PDE4D: variants seen among roughly 807,000 people sequenced by gnomAD.
PDE4D encodes 3',5'-cyclic-AMP phosphodiesterase 4D.
In PDE4D, 24 loss-of-function variants were observed where a neutral mutation model predicts 87.4. That is an observed-to-expected ratio of 0.27 (90% confidence interval 0.20 to 0.39). The LOEUF (loss-of-function observed/expected upper bound fraction) is 0.39. Among genes scored for constraint, PDE4D ranks in the 10% least tolerant of loss-of-function variants. PDE4D has a pLI of 1.00. For missense variants in PDE4D, 714 were observed against 1,041.0 expected (o/e 0.69, Z 4.32); for synonymous variants, 384 against 383.2 (o/e 1.00, Z -0.02).
At chr5:59,202,332 G>A (rs942373639) in intron 2 of PDE4D, among the ~76,000 whole-genome samples, 1 of 151,870 alleles carries the variant, frequency 6.6e-6, no homozygotes, top group Admixed American at 6.6e-5. Context: ...GATCCACAGC[G>A]CCTCGCCCGT....
intron 6 of PDE4D, among the ~76,000 whole-genome samples, chr5:59,005,759 C>T (rs892963719): frequency 2.6e-5 from 4 of 152,176 alleles, no homozygotes; most frequent in African/African-American, 9.7e-5. Flanking sequence ...AAAAGATGGA[C>T]CTTCTTACAT....
chr5:59,918,164 T>C (rs1024051572), intron 3 of PDE4D, among the ~76,000 whole-genome samples: 1 of 152,130 alleles, frequency 6.6e-6, no homozygotes, highest in East Asian at 1.9e-4. Flanking sequence ...GTTTGAAAGA[T>C]AAATAACATT....
chr5:59,190,084 A>G (rs186098276), intron 3 of PDE4D, among the ~76,000 whole-genome samples: 3 of 152,318 alleles, frequency 2.0e-5, no homozygotes, highest in African/African-American at 7.2e-5. Flanking sequence ...CGTCAAAGGA[A>G]ACCATGATTT....
At chr5:60,226,861 T>C (rs989990223) in intron 1 of PDE4D, among the ~76,000 whole-genome samples, 1 of 150,836 alleles carries the variant, frequency 6.6e-6, no homozygotes, top group Non-Finnish European at 1.5e-5. Context: ...ACACACCACC[T>C]GGATATTAAT....
chr5:60,333,433 C>G (rs1448821626), intron 1 of PDE4D, among the ~76,000 whole-genome samples: 1 of 152,098 alleles, frequency 6.6e-6, no homozygotes, highest in Admixed American at 6.5e-5. Flanking sequence ...AAAACTGACA[C>G]AGTGGGTCTG....
chr5:58,969,051 A>T lies in PDE4D; in HGVS notation c.*5613T>A, dbSNP rs1742162923. 1 of 152,236 alleles carries T rather than the reference A, an allele frequency of 6.6e-6. No homozygotes were observed. Among genetic ancestry groups the T allele is most frequent in the Non-Finnish European group, 1.5e-5 (1 of 68,050 alleles). The allele number at this position is 152,236 out of a possible 1,614,324, so 9.4% of individuals were successfully genotyped here. A position where few individuals can be genotyped will look rare whatever the true frequency, so the allele number is the denominator to read the frequency against. On this transcript the variant is annotated 3_prime_UTR_variant, in exon 15 of 15. Coordinates refer to ENST00000340635, the MANE Select transcript of PDE4D (RefSeq NM_001104631.2). ...AAACAAACAAAGTTTTTATGGTATCAAGTTAAAAACTCTTTAATATCTCAA... is the reference window on the plus strand; with the variant it reads ...AAACAAACAAAGTTTTTATGGTATCTAGTTAAAAACTCTTTAATATCTCAA...
chr5:59,169,315 CTTTTAT>C (rs1782395309), intron 5 of PDE4D, among the ~76,000 whole-genome samples: 1 of 51,986 alleles, frequency 1.9e-5, no homozygotes, highest in South Asian at 4.4e-4. Context: ...TTGTGTGGTT[CTTTTAT>C]TTTTTTTTTT....
chr5:59,999,117 T>C (rs925508179), intron 2 of PDE4D, among the ~76,000 whole-genome samples: 23 of 152,136 alleles, frequency 1.5e-4, no homozygotes, highest in African/African-American at 4.8e-4. Flanking sequence ...ATAGTCTCAT[T>C]GAAACAGATG....
intron 1 of PDE4D, among the ~76,000 whole-genome samples, chr5:59,549,182 A>G (rs1458636280): frequency 6.6e-6 from 1 of 152,202 alleles, no homozygotes; most frequent in Non-Finnish European, 1.5e-5. Context: ...TGCCAGGTTA[A>G]GCAAGAATGA....
intron 1 of PDE4D, among the ~76,000 whole-genome samples, chr5:60,307,740 G>A (rs1003051927): frequency 1.3e-5 from 2 of 151,680 alleles, no homozygotes; most frequent in Admixed American, 6.6e-5. Context: ...TGCTGTTTTT[G>A]CTATGAAAAG....
intron 1 of PDE4D, among the ~76,000 whole-genome samples, chr5:60,455,419 G>C (rs1272262427): frequency 6.6e-6 from 1 of 152,002 alleles, no homozygotes; most frequent in Non-Finnish European, 1.5e-5. Context: ...ACAGAGGAAG[G>C]CTCTATTTTA....
intron 1 of PDE4D, among the ~76,000 whole-genome samples, chr5:60,423,415 G>T (rs1743321637): frequency 1.3e-5 from 2 of 152,106 alleles, no homozygotes; most frequent in African/African-American, 4.8e-5. Context: ...CAACTAAATG[G>T]AAACTGAACA....
intron 2 of PDE4D, among the ~76,000 whole-genome samples, chr5:60,140,772 G>C (rs1780457498): frequency 6.6e-6 from 1 of 152,060 alleles, no homozygotes; most frequent in Non-Finnish European, 1.5e-5. Context: ...AATGGATAAT[G>C]GGTCCTCAGC....
chr5:60,238,753 T>C (rs1454085335), intron 1 of PDE4D, among the ~76,000 whole-genome samples: 1 of 152,056 alleles, frequency 6.6e-6, no homozygotes, highest in African/African-American at 2.4e-5. Context: ...TATTAATTTT[T>C]GTTGGTTGTA....
intron 2 of PDE4D, among the ~76,000 whole-genome samples, chr5:60,041,316 G>GAA (rs201522819): frequency 6.6e-6 from 1 of 150,946 alleles, no homozygotes; most frequent in Non-Finnish European, 1.5e-5. Context: ...TTTCTCTTGA[G>GAA]AAAAAAAAAT....
At chr5:59,912,085 C>A (rs1391760802) in intron 3 of PDE4D, among the ~76,000 whole-genome samples, 2 of 152,148 alleles carry the variant, frequency 1.3e-5, no homozygotes, top group African/African-American at 4.8e-5. Context: ...AACTCTGCAG[C>A]TGGCAGTGTG....
chr5:60,337,388 T>TATATATATATATATACACAC (rs66871903), intron 1 of PDE4D, among the ~76,000 whole-genome samples: 4 of 89,474 alleles, frequency 4.5e-5, no homozygotes, highest in Non-Finnish European at 6.5e-5. Flanking sequence ...TATATATATA[T>TATATATATATATATACACAC]ACACACACAC....
chr5:60,370,759 ATGTGTG>A (rs139182100), intron 1 of PDE4D, among the ~76,000 whole-genome samples: 1 of 150,132 alleles, frequency 6.7e-6, no homozygotes, highest in Non-Finnish European at 1.5e-5. Context: ...TTTTGTGTAT[ATGTGTG>A]TGTGTGTGTG....
intron 1 of PDE4D, among the ~76,000 whole-genome samples, chr5:59,447,319 T>G (rs1034097448): frequency 1.3e-5 from 2 of 152,224 alleles, no homozygotes; most frequent in Non-Finnish European, 2.9e-5. Context: ...GCAAGATTGC[T>G]TGCTGGAATG....
Sources: allele counts gnomAD v4.1 joint callset (sites outside exome capture counted in the v4.1 genomes callset), GRCh38; gene constraint gnomAD v4.1.1; transcripts MANE v1.5; gene names NCBI Gene and HGNC (gene_info 2026-07-23, HGNC 2026-07-21).